The following PID1 variants were observed in gnomAD, a reference collection of about 807,000 sequenced individuals.
PID1 encodes the protein PTB-containing, cubilin and LRP1-interacting protein.
Under a neutral mutation model 19.1 loss-of-function variants are expected in PID1, and 10 were observed. The ratio of observed to expected loss-of-function variants is 0.52; its 90% CI spans 0.32 to 0.89. The LOEUF (loss-of-function observed/expected upper bound fraction) is 0.89, where lower values mean the gene tolerates loss of function less well. Ranked by LOEUF, PID1 falls within the 40% of genes least tolerant of loss-of-function variation. PID1 has a pLI of 0.03. For synonymous variants in PID1, 130 were observed against 116.0 expected (o/e 1.12, Z -0.78); for missense variants, 248 against 285.3 (o/e 0.87, Z 0.94).
intron 1 of PID1, among the ~76,000 whole-genome samples, chr2:229,209,220 T>C (rs1271211306): frequency 6.6e-6 from 1 of 152,192 alleles, no homozygotes; most frequent in Non-Finnish European, 1.5e-5. Context: ...GCAAGGCAAA[T>C]GTGGGTTGTG....
chr2:229,141,788 T>C (rs1690017490), intron 2 of PID1, among the ~76,000 whole-genome samples: 1 of 152,110 alleles, frequency 6.6e-6, no homozygotes, highest in Non-Finnish European at 1.5e-5. Context: ...GCCTGGTGAC[T>C]CATAAATGCC....
At chr2:229,035,161 T>G (rs1693635748) in intron 2 of PID1, among the ~76,000 whole-genome samples, 1 of 152,226 alleles carries the variant, frequency 6.6e-6, no homozygotes, top group African/African-American at 2.4e-5. Flanking sequence ...GGTATTCTTT[T>G]TTAGATGTGA....
chr2:229,246,309 G>A (rs1222613263), intron 1 of PID1, among the ~76,000 whole-genome samples: 1 of 152,154 alleles, frequency 6.6e-6, no homozygotes, highest in African/African-American at 2.4e-5. Context: ...ATGAAATTAT[G>A]CAAGTAAATA....
At chr2:229,175,010 A>G (rs1039100340) in intron 1 of PID1, among the ~76,000 whole-genome samples, 2 of 152,210 alleles carry the variant, frequency 1.3e-5, no homozygotes, top group Non-Finnish European at 1.5e-5. Context: ...GGAGAGGTGT[A>G]TATGGAGAGA....
At chr2:229,121,416 G>T (rs1695517077) in intron 2 of PID1, among the ~76,000 whole-genome samples, 1 of 152,180 alleles carries the variant, frequency 6.6e-6, no homozygotes, top group South Asian at 2.1e-4. Context: ...GGAACCATGT[G>T]CCTAGGAAGC....
intron 1 of PID1, among the ~76,000 whole-genome samples, chr2:229,228,869 C>T (rs967295008): frequency 6.6e-6 from 1 of 152,210 alleles, no homozygotes; most frequent in Non-Finnish European, 1.5e-5. Flanking sequence ...TTAAGCAACA[C>T]AGGAGTTTTG....
intron 1 of PID1, among the ~76,000 whole-genome samples, chr2:229,170,422 T>G (rs1690688259): frequency 6.6e-6 from 1 of 152,196 alleles, no homozygotes; most frequent in South Asian, 2.1e-4. Flanking sequence ...GTACATTAAG[T>G]ACATAGAAGA....
intron 1 of PID1, among the ~76,000 whole-genome samples, chr2:229,158,114 A>T (rs1690419307): frequency 6.6e-6 from 1 of 152,260 alleles, no homozygotes; most frequent in Admixed American, 6.5e-5. Context: ...CACAATGTAA[A>T]TTCATGCTCA....
At chr2:229,190,914 C>T (rs531832323) in intron 1 of PID1, among the ~76,000 whole-genome samples, 2 of 152,148 alleles carry the variant, frequency 1.3e-5, no homozygotes, top group South Asian at 2.1e-4. Flanking sequence ...CTAAAATAAC[C>T]GATTATTTTT....
At chr2:229,143,715 C>A (rs1376984130) in intron 2 of PID1, among the ~76,000 whole-genome samples, 1 of 152,032 alleles carries the variant, frequency 6.6e-6, no homozygotes, top group African/African-American at 2.4e-5. Flanking sequence ...ATCATGGGGG[C>A]CGTTTCCCCC....
At chr2:229,265,124 A>G (rs915134005) in intron 1 of PID1, among the ~76,000 whole-genome samples, 12 of 152,226 alleles carry the variant, frequency 7.9e-5, no homozygotes, top group African/African-American at 2.9e-4. Context: ...AAAGAGACAG[A>G]TATGCTTTTT....
chr2:229,150,862 T>C (rs1254838508), intron 2 of PID1, among the ~76,000 whole-genome samples: 1 of 152,050 alleles, frequency 6.6e-6, no homozygotes, highest in Non-Finnish European at 1.5e-5. Context: ...CCTTTTTTTT[T>C]TTTTTAAGAA....
At chr2:229,238,309 C>A (rs1689772336) in intron 1 of PID1, among the ~76,000 whole-genome samples, 1 of 152,130 alleles carries the variant, frequency 6.6e-6, no homozygotes, top group African/African-American at 2.4e-5. Flanking sequence ...TCAAAATCAT[C>A]CAACTTTATA....
In PID1 at chr2:229,194,710, C is replaced by T. The variant is rs116189063; in HGVS notation, c.31-38746G>A. ...ACATATAACAGAATGCAATACATATCGGTTAATGTATGTGAGTGAGTGTGT... is the reference window on the plus strand; with the variant it reads ...ACATATAACAGAATGCAATACATATTGGTTAATGTATGTGAGTGAGTGTGT... On this transcript the variant is annotated intron_variant, in intron 1 of 2. Transcript: ENST00000392055. 7.2e-3 allele frequency among the ~76,000 whole-genome samples: 1,100 copies of T among 151,870 alleles called. 14 individuals carry two copies. Among genetic ancestry groups the T allele is most frequent in the African/African-American group, 0.026 (1,058 of 41,446 alleles).
chr2:229,168,290 T>A (rs1189988893), intron 1 of PID1, among the ~76,000 whole-genome samples: 1 of 152,172 alleles, frequency 6.6e-6, no homozygotes. Context: ...GGCTTTTCAA[T>A]TACATATATT....
At chr2:229,044,582 T>C (rs906509652) in intron 2 of PID1, among the ~76,000 whole-genome samples, 3 of 152,184 alleles carry the variant, frequency 2.0e-5, no homozygotes, top group African/African-American at 7.2e-5. Flanking sequence ...AGTTGGAAAG[T>C]CAAACTTGAT....
chr2:229,261,892 C>T (rs1360920851), intron 1 of PID1, among the ~76,000 whole-genome samples: 1 of 104,142 alleles, frequency 9.6e-6, no homozygotes, highest in Non-Finnish European at 2.3e-5. Context: ...TATGACATGG[C>T]TGACTTTTTT....
chr2:229,165,105 G>A (rs1690571885), intron 1 of PID1, among the ~76,000 whole-genome samples: 1 of 152,166 alleles, frequency 6.6e-6, no homozygotes, highest in African/African-American at 2.4e-5. Flanking sequence ...AAGTTCTAGT[G>A]CCACTAGTGG....
intron 2 of PID1, among the ~76,000 whole-genome samples, chr2:229,071,602 T>C (rs1260492353): frequency 6.6e-6 from 1 of 152,248 alleles, no homozygotes; most frequent in Non-Finnish European, 1.5e-5. Context: ...TTTTATCATC[T>C]TTCTGCCACA....
Sources: gnomAD v4.1 joint callset for allele counts (sites outside exome capture counted in the v4.1 genomes callset) on GRCh38, gnomAD v4.1.1 for gene constraint, MANE v1.5 for transcripts, NCBI Gene and HGNC (gene_info 2026-07-23, HGNC 2026-07-21) for gene names.